NBN: variants seen among roughly 807,000 people sequenced by gnomAD.
NBN encodes Nijmegen breakage syndrome 1 (nibrin).
Under a neutral mutation model 90.8 loss-of-function variants are expected in NBN, and 88 were observed. The ratio of observed to expected loss-of-function variants is 0.97; its 90% CI spans 0.82 to 1.16. The LOEUF is 1.16. Ranked by LOEUF, NBN falls within the 50% of genes most tolerant of loss-of-function variation. The probability of loss-of-function intolerance (pLI) is 0.00; values close to 1 mark genes in which losing one functional copy is unlikely to be tolerated. For missense variants in NBN, 894 were observed against 869.6 expected, an observed-to-expected ratio of 1.03 and a Z score of -0.35; for synonymous variants, 328 against 295.1, an observed-to-expected ratio of 1.11 and a Z score of -1.14.
rs935194381 is a variant in NBN at position 89,935,472 on chromosome 8, A to G, written c.*110T>C. 2 of 1,299,674 alleles carry G rather than the reference A, an allele frequency of 1.5e-6. No homozygotes were observed. Among genetic ancestry groups the G allele is most frequent in the African/African-American group, 2.9e-5 (2 of 68,648 alleles). The allele number at this position is 1,299,674 out of a possible 1,614,324, so 80.5% of individuals were successfully genotyped here. ...TTTATTTAATAAATTTAGGCCATAAAACATTGTAACTTAAATCGCTTCTAT... is the reference window on the plus strand; with the variant it reads ...TTTATTTAATAAATTTAGGCCATAAGACATTGTAACTTAAATCGCTTCTAT... On this transcript the variant is annotated 3_prime_UTR_variant, in exon 16 of 16. Coordinates refer to ENST00000265433, the MANE Select transcript of NBN (RefSeq NM_002485.5).
At chr8:89,935,664 C>A in intron 15 of NBN, 52 bp from the exon 16 acceptor site, 1 of 1,594,138 alleles carries the variant, frequency 6.3e-7, no homozygotes, top group Non-Finnish European at 8.6e-7. Context: ...GATGGTATTT[C>A]TTTTAAAGGT....
intron 13 of NBN, 59 bp downstream of exon 13, chr8:89,946,081 C>G: frequency 3.1e-6 from 4 of 1,275,410 alleles, no homozygotes; most frequent in Non-Finnish European, 3.4e-6. Context: ...TTTAGCATCA[C>G]TGGTATCTCT....
Position 89,981,483 on chromosome 8 carries a change from T to C in NBN, c.212A>G (p.Asn71Ser). ...DEIPVLTLKD[N>S]SKYGTFVNEE... ...ATTAACAAAGGTACCATACTTAGAATTATCTTTTAATGTCAATACAGGGAT... is the reference window on the plus strand; with the variant it reads ...ATTAACAAAGGTACCATACTTAGAACTATCTTTTAATGTCAATACAGGGAT... The change falls in exon 3 of 16, where the codon AAT becomes AGT. Residue 71 changes from asparagine to serine, a missense_variant. Physicochemically the swap from Asn to Ser is conservative, Grantham distance 46. Transcript: ENST00000265433. The C allele has an allele frequency of 6.2e-7, 1 of 1,613,584 alleles. No homozygotes were observed. The highest frequency in any genetic ancestry group is 1.1e-5 in the South Asian group (1 of 91,072).
At chr8:89,972,645 A>T (rs891764220) in intron 5 of NBN, among the ~76,000 whole-genome samples, 1 of 152,202 alleles carries the variant, frequency 6.6e-6, no homozygotes, top group Non-Finnish European at 1.5e-5. Flanking sequence ...TTTATCTCCT[A>T]ATAAATATTC....
intron 12 of NBN, among the ~76,000 whole-genome samples, chr8:89,947,509 G>C (rs995507909): frequency 1.3e-5 from 2 of 151,988 alleles, no homozygotes; most frequent in Non-Finnish European, 2.9e-5. Flanking sequence ...CATGCCTGTA[G>C]TCCTAGCTAC....
chr8:89,953,733 AAC>A, intron 10 of NBN, 42 bp from the exon 11 acceptor site: 3 of 1,481,330 alleles, frequency 2.0e-6, no homozygotes, highest in Non-Finnish European at 2.8e-6. Context: ...CAAGAAAATG[AAC>A]ACAGCTAAGT....
At chr8:89,981,582 G>C in intron 2 of NBN, 59 bp from the exon 3 acceptor site, 4 of 1,586,674 alleles carry the variant, frequency 2.5e-6, no homozygotes, top group Non-Finnish European at 3.4e-6. Flanking sequence ...ACTTCTCAGA[G>C]AAAAAGTTTT....
At chr8:89,960,610 C>T (rs1367226069) in intron 8 of NBN, among the ~76,000 whole-genome samples, 1 of 152,034 alleles carries the variant, frequency 6.6e-6, no homozygotes, top group Non-Finnish European at 1.5e-5. Flanking sequence ...ATGATCATGC[C>T]ACTGTACTCC....
At chr8:89,955,611 A>G in intron 9 of NBN, 56 bp from the exon 10 acceptor site, 1 of 1,542,060 alleles carries the variant, frequency 6.5e-7, no homozygotes, top group Middle Eastern at 1.9e-4. Context: ...CAACTTTAAT[A>G]GAGAAACAAA....
rs889140616 is a variant in NBN, at chr8:89,935,551, T to C, written c.*31A>G. On this transcript the variant is annotated 3_prime_UTR_variant, in exon 16 of 16. Coordinates refer to ENST00000265433, the MANE Select transcript of NBN (RefSeq NM_002485.5). Reference sequence around the variant, plus strand: ...CCTGAAGTAGATGCTTACTAGGAAGTTTTTCCATGGCTTCTTTTTAAAATC... The same window carrying C: ...CCTGAAGTAGATGCTTACTAGGAAGCTTTTCCATGGCTTCTTTTTAAAATC... 6.2e-7 allele frequency: 1 copy of C among 1,610,164 alleles called. No homozygotes were observed. Among genetic ancestry groups the C allele is most frequent in the African/African-American group, 1.3e-5 (1 of 74,806 alleles).
At position 89,963,874 on chromosome 8, in the gene NBN, T is replaced by C. The variant is rs189284497; in HGVS notation, c.994+536A>G. ...CTCTTTCACATCCAGATTTCCACAATAGCATTCTATTCACATCTCCTCTTA... is the reference window on the plus strand; with the variant it reads ...CTCTTTCACATCCAGATTTCCACAACAGCATTCTATTCACATCTCCTCTTA... On this transcript the variant is annotated intron_variant, in intron 8 of 15. Transcript: ENST00000265433. 1.1e-4 allele frequency among the ~76,000 whole-genome samples: 16 copies of C among 152,306 alleles called. No individual in the cohort carries two copies. In the East Asian group the frequency reaches 1.2e-3, roughly 11 times the overall value.
chr8:89,980,853 C>G lies in NBN; in HGVS notation c.361G>C (p.Asp121His), dbSNP rs777916019. 1.9e-6 allele frequency: 3 copies of G among 1,612,330 alleles called. No homozygotes were observed. Among genetic ancestry groups the G allele is most frequent in the African/African-American group, 1.3e-5 (1 of 74,848 alleles). ...EPLVACSSCL[D>H]VSGKTALNQA... Reference sequence around the variant, plus strand: ...TTTAAAGCAGTTTTCCCAGAGACATCTAAACAAGAAGAGCATGCAACCAAA... The same window carrying G: ...TTTAAAGCAGTTTTCCCAGAGACATGTAAACAAGAAGAGCATGCAACCAAA... The change falls in exon 4 of 16, where the codon GAT becomes CAT. Residue 121 changes from aspartate (D) to histidine (H), a missense_variant. Coordinates refer to ENST00000265433, the MANE Select transcript of NBN (RefSeq NM_002485.5).
chr8:89,975,007 G>A (rs1204490386), intron 5 of NBN, among the ~76,000 whole-genome samples: 2 of 152,022 alleles, frequency 1.3e-5, no homozygotes, highest in African/African-American at 4.8e-5. Context: ...TCCTTTCTGG[G>A]GGATAATCTC....
At chr8:89,941,432 T>A (rs953659286) in intron 14 of NBN, among the ~76,000 whole-genome samples, 1 of 152,218 alleles carries the variant, frequency 6.6e-6, no homozygotes, top group Non-Finnish European at 1.5e-5. Flanking sequence ...CAAATAATTG[T>A]ATGTGAAGTT....
In NBN at chr8:89,984,578, G is replaced by A. The variant is rs754525602; in HGVS notation, c.-17C>T. On this transcript the variant is annotated 5_prime_UTR_variant, in exon 1 of 16. Coordinates refer to ENST00000265433, the MANE Select transcript of NBN (RefSeq NM_002485.5). ...TTTCCACATCGGTCCGGCTCCTCAGGGCTGGGGCCGACGTGCAACCGCGTA... is the reference window on the plus strand; with the variant it reads ...TTTCCACATCGGTCCGGCTCCTCAGAGCTGGGGCCGACGTGCAACCGCGTA... 6.2e-7 allele frequency: 1 copy of A among 1,612,460 alleles called. No homozygotes were observed. Among genetic ancestry groups the A allele is most frequent in the Non-Finnish European group, 8.5e-7 (1 of 1,179,640 alleles).
At chr8:89,956,320 A>G (rs1370761951) in intron 9 of NBN, among the ~76,000 whole-genome samples, 1 of 152,082 alleles carries the variant, frequency 6.6e-6, no homozygotes, top group Non-Finnish European at 1.5e-5. Flanking sequence ...TAAAATAAAT[A>G]AGGTTTAATA....
chr8:89,937,204 G>A (rs1809732537), intron 14 of NBN, 129 bp from the exon 15 acceptor site: 2 of 770,050 alleles, frequency 2.6e-6, no homozygotes, highest in African/African-American at 3.5e-5. Flanking sequence ...CTGAGTTCTT[G>A]CCTCTACAAT....
chr8:89,967,837 C>T (rs540790172), intron 7 of NBN, among the ~76,000 whole-genome samples: 1 of 152,298 alleles, frequency 6.6e-6, no homozygotes, highest in South Asian at 2.1e-4. Context: ...TGTTGAAGTT[C>T]GGTCAATAGC....
intron 14 of NBN, among the ~76,000 whole-genome samples, chr8:89,942,384 G>GT (rs2130752853): frequency 6.6e-6 from 1 of 152,152 alleles, no homozygotes; most frequent in Non-Finnish European, 1.5e-5. Context: ...GATAGAAAAC[G>GT]TATCTTTTCT....
Sources: gnomAD v4.1 joint callset for allele counts (sites outside exome capture counted in the v4.1 genomes callset) on GRCh38, gnomAD v4.1.1 for gene constraint, MANE v1.5 for transcripts, NCBI Gene and HGNC (gene_info 2026-07-23, HGNC 2026-07-21) for gene names.